Variants in SYT17 observed in about 807,000 individuals in gnomAD.
The protein encoded by SYT17 is synaptotagmin 17.
SYT17 carries 22 observed loss-of-function variants against 46.7 expected under a neutral mutation model. The observed-to-expected ratio is 0.47, with a 90% CI of 0.34 to 0.67. The LOEUF is 0.67. Ranked by LOEUF, SYT17 falls within the 30% of genes least tolerant of loss-of-function variation. The pLI is 0.01. For missense variants in SYT17, 519 were observed against 612.8 expected (o/e 0.85, Z 1.62); for synonymous variants, 251 against 248.4 (o/e 1.01, Z -0.10).
chr16:19,177,076 C>A (rs759413755), intron 3 of SYT17, among the ~76,000 whole-genome samples: 7 of 152,150 alleles, frequency 4.6e-5, no homozygotes, highest in African/African-American at 7.2e-5. Context: ...GATGCACAGC[C>A]TAGGTTCTCA....
chr16:19,185,650 C>T (rs188546954), intron 5 of SYT17, among the ~76,000 whole-genome samples: 401 of 151,996 alleles, frequency 2.6e-3, no homozygotes, highest in African/African-American at 8.4e-3. Flanking sequence ...CATTTGGTGA[C>T]GTGCAGAGAA....
intron 7 of SYT17, among the ~76,000 whole-genome samples, chr16:19,264,857 G>T (rs1460193648): frequency 6.6e-6 from 1 of 152,128 alleles, no homozygotes; most frequent in East Asian, 1.9e-4. Flanking sequence ...GCCTCCCAAA[G>T]TGCTGGGATT....
intron 1 of SYT17, among the ~76,000 whole-genome samples, chr16:19,169,324 G>A (rs1963993506): frequency 6.6e-6 from 1 of 152,012 alleles, no homozygotes; most frequent in African/African-American, 2.4e-5. Context: ...TTTTTTGGGG[G>A]GAGGGGGCGG....
At chr16:19,231,139 C>G (rs1966665955) in intron 7 of SYT17, among the ~76,000 whole-genome samples, 1 of 152,210 alleles carries the variant, frequency 6.6e-6, no homozygotes, top group Admixed American at 6.5e-5. Flanking sequence ...GAAAGGCCAT[C>G]TGTCTTCTTG....
In SYT17 at chr16:19,183,545, C is replaced by G; in HGVS notation, c.349C>G (p.Pro117Ala). Residue 117 changes from proline (P) to alanine (A), a missense_variant, in exon 5 of 8, where the codon CCC (proline) becomes GCC (alanine). Coordinates refer to ENST00000355377, the MANE Select transcript of SYT17 (RefSeq NM_016524.4). This position sits in a 1 kb window ranked among gnomAD's most constrained non-coding sequence, Gnocchi z 5.6. The stretch of plus-strand genomic sequence containing the variant: ...GCTCTCAGGTCTTGAGTCAAGACGT[C>G]CCAGCTCTCCACTCATCGATATTAA... ...RRISSLESRR[P>A]SSPLIDIKPI... 6.2e-7 allele frequency: 1 copy of G among 1,614,130 alleles called. No individual in the cohort carries two copies. The highest frequency in any genetic ancestry group is 1.1e-5 in the South Asian group (1 of 91,072).
chr16:19,235,236 T>C (rs548257294), intron 7 of SYT17, among the ~76,000 whole-genome samples: 3 of 150,144 alleles, frequency 2.0e-5, no homozygotes, highest in African/African-American at 7.5e-5. Context: ...ACTGGACTCA[T>C]CTCCAAGCTA....
chr16:19,172,463 C>A, intron 1 of SYT17: 2 of 1,452,290 alleles, frequency 1.4e-6, no homozygotes, highest in South Asian at 1.5e-5. Context: ...TCTATCCGCC[C>A]GCTCTGATTC....
At chr16:19,185,563 A>T (rs533927610) in intron 5 of SYT17, among the ~76,000 whole-genome samples, 1 of 152,116 alleles carries the variant, frequency 6.6e-6, no homozygotes, top group South Asian at 2.1e-4. Flanking sequence ...CACTCACTCC[A>T]GCTCACTCCA....
chr16:19,244,250 A>T (rs1347296006), intron 7 of SYT17, among the ~76,000 whole-genome samples: 2 of 152,220 alleles, frequency 1.3e-5, no homozygotes, highest in African/African-American at 4.8e-5. Flanking sequence ...AAGTCACTGT[A>T]TCAGTTAAGG....
At chr16:19,260,336 CAAAAAAAAAAAAAA>C (rs34504914) in intron 7 of SYT17, among the ~76,000 whole-genome samples, 2 of 22,884 alleles carry the variant, frequency 8.7e-5, no homozygotes, top group Non-Finnish European at 1.4e-4. Flanking sequence ...CAGAAAATAC[CAAAAAAAAAAAAAA>C]AAAAAAAAAA....
At chr16:19,248,384 G>T (rs948920721) in intron 7 of SYT17, among the ~76,000 whole-genome samples, 1 of 152,032 alleles carries the variant, frequency 6.6e-6, no homozygotes, top group Non-Finnish European at 1.5e-5. Context: ...TTACCCAAGA[G>T]AAACAAAAAC....
At chr16:19,221,251 C>T (rs913206399) in intron 5 of SYT17, among the ~76,000 whole-genome samples, 2 of 150,238 alleles carry the variant, frequency 1.3e-5, no homozygotes, top group Non-Finnish European at 3.0e-5. Context: ...GACTTAGCAG[C>T]GTTCTTTGCA....
chr16:19,241,335 G>A (rs1967104537), intron 7 of SYT17, among the ~76,000 whole-genome samples: 1 of 152,000 alleles, frequency 6.6e-6, no homozygotes, highest in Admixed American at 6.5e-5. Flanking sequence ...GTGGGGGATT[G>A]GGGCTGGGGA....
intron 5 of SYT17, among the ~76,000 whole-genome samples, chr16:19,205,835 C>T (rs1447455137): frequency 6.6e-6 from 1 of 152,196 alleles, no homozygotes; most frequent in African/African-American, 2.4e-5. Flanking sequence ...CCGATGCCAG[C>T]TTTGTTTTTC....
chr16:19,235,097 GAAGTGAGCTGCAGAGCGAAGGGATTA>G, intron 7 of SYT17, among the ~76,000 whole-genome samples: 1 of 152,322 alleles, frequency 6.6e-6, no homozygotes, highest in African/African-American at 2.4e-5. Flanking sequence ...TCAGTCATGG[GAAGTGAGCTGCAGAGCGAAGGGATTA>G]AAGCCAGAGG....
chr16:19,216,393 T>TA (rs1966096309), intron 5 of SYT17, among the ~76,000 whole-genome samples: 1 of 151,666 alleles, frequency 6.6e-6, no homozygotes, highest in South Asian at 2.1e-4. Context: ...TTTTTTTTTT[T>TA]TTATTATACT....
At chr16:19,263,320 A>C (rs1969116892) in intron 7 of SYT17, among the ~76,000 whole-genome samples, 1 of 152,180 alleles carries the variant, frequency 6.6e-6, no homozygotes, top group South Asian at 2.1e-4. Flanking sequence ...CATTTCATAT[A>C]AATGGATCAT....
chr16:19,190,887 T>G (rs1964990771), intron 5 of SYT17, among the ~76,000 whole-genome samples: 1 of 151,830 alleles, frequency 6.6e-6, no homozygotes, highest in Non-Finnish European at 1.5e-5. Context: ...CCTCCACCGT[T>G]TGGCTATTAT....
At position 19,248,994 on chromosome 16, in the gene SYT17, G is replaced by T. The variant is rs147385613; in HGVS notation, c.1229-17886G>T. ...CTAAAGGCAAAACTATGGTAAAAGA[G>T]GCCAGTGTGGTGGCTCACGCCTGTA... is the stretch of plus-strand genomic sequence containing the variant. On this transcript the variant is annotated intron_variant, in intron 7 of 7. Transcript: ENST00000355377. Among the ~76,000 whole-genome samples the T allele has an allele frequency of 3.1e-3, 466 of 152,282 alleles. 5 individuals are homozygous for T. Among genetic ancestry groups the T allele is most frequent in the African/African-American group, 0.01 (432 of 41,558 alleles).
Sources: allele counts gnomAD v4.1 joint callset (sites outside exome capture counted in the v4.1 genomes callset), GRCh38; gene constraint gnomAD v4.1.1; non-coding constraint Gnocchi (gnomAD v3.1); transcripts MANE v1.5; gene names NCBI Gene and HGNC (gene_info 2026-07-23, HGNC 2026-07-21).